Variants in PACSIN2 observed in about 807,000 individuals in gnomAD.
PACSIN2 encodes protein kinase C and casein kinase substrate in neurons protein 2.
A neutral mutation model predicts 63.8 loss-of-function variants in PACSIN2; 25 were observed. The observed-to-expected ratio is 0.39, with a 90% CI of 0.29 to 0.55. The LOEUF (loss-of-function observed/expected upper bound fraction) is 0.55. Ranked by LOEUF, PACSIN2 falls within the 20% of genes least tolerant of loss-of-function variation. The probability of loss-of-function intolerance (pLI) is 0.62; values close to 1 mark genes in which losing one functional copy is unlikely to be tolerated. For missense variants in PACSIN2, 518 were observed against 646.9 expected, an observed-to-expected ratio of 0.80 and a Z score of 2.16; for synonymous variants, 255 against 256.2, an observed-to-expected ratio of 1.00 and a Z score of 0.05.
intron 1 of PACSIN2, among the ~76,000 whole-genome samples, chr22:42,934,551 C>T (rs899098586): frequency 1.3e-5 from 2 of 152,244 alleles, no homozygotes; most frequent in African/African-American, 4.8e-5. Context: ...TGGGCTGGCC[C>T]TGATAGCCAC....
intron 9 of PACSIN2, 32 bp downstream of exon 9, chr22:42,876,856 G>A (rs570062150): frequency 3.2e-5 from 52 of 1,613,698 alleles, no homozygotes; most frequent in South Asian, 4.4e-5. Context: ...GAGTGAGCGC[G>A]GTGGGAGCAG....
At chr22:42,986,846 C>T (rs778003087) in intron 1 of PACSIN2, among the ~76,000 whole-genome samples, 4 of 152,174 alleles carry the variant, frequency 2.6e-5, no homozygotes. Context: ...TCTAAAAAAA[C>T]CTTCCCGAAA....
At chr22:42,919,437 G>A (rs1932020495) in intron 1 of PACSIN2, among the ~76,000 whole-genome samples, 1 of 152,182 alleles carries the variant, frequency 6.6e-6, no homozygotes, top group Non-Finnish European at 1.5e-5. Flanking sequence ...GCACATTTCA[G>A]ACTGTCTGGC....
At chr22:42,888,070 C>T (rs868538344) in intron 5 of PACSIN2, among the ~76,000 whole-genome samples, 5 of 151,942 alleles carry the variant, frequency 3.3e-5, no homozygotes, top group Admixed American at 6.6e-5. Context: ...AGCCCCTCTC[C>T]CTACACAAGC....
chr22:42,892,384 G>C (rs1045629748), intron 3 of PACSIN2, among the ~76,000 whole-genome samples: 2 of 152,172 alleles, frequency 1.3e-5, no homozygotes, highest in Non-Finnish European at 2.9e-5. Flanking sequence ...AGACAACAGA[G>C]AACAGCCCCG....
intron 1 of PACSIN2, among the ~76,000 whole-genome samples, chr22:42,985,709 T>G (rs1214123061): frequency 6.6e-6 from 1 of 152,218 alleles, no homozygotes. Flanking sequence ...TTTAACCTTC[T>G]GTCTGCCTCT....
At chr22:42,955,351 A>C (rs1297722495) in intron 1 of PACSIN2, among the ~76,000 whole-genome samples, 2 of 152,220 alleles carry the variant, frequency 1.3e-5, no homozygotes, top group Admixed American at 6.5e-5. Context: ...CCAGCCAGCC[A>C]GCATCCAGGT....
intron 1 of PACSIN2, among the ~76,000 whole-genome samples, chr22:42,914,423 G>T (rs1199679817): frequency 6.6e-6 from 1 of 152,142 alleles, no homozygotes; most frequent in Non-Finnish European, 1.5e-5. Flanking sequence ...TAGTAGAGAT[G>T]GGGTTTCCAC....
intron 1 of PACSIN2, among the ~76,000 whole-genome samples, chr22:42,916,150 A>G (rs1931790103): frequency 6.6e-6 from 1 of 152,160 alleles, no homozygotes; most frequent in South Asian, 2.1e-4. Flanking sequence ...AGGTTAAATG[A>G]GATGAAGGTC....
chr22:42,961,601 A>T (rs1476738292), intron 1 of PACSIN2, among the ~76,000 whole-genome samples: 2 of 151,896 alleles, frequency 1.3e-5, no homozygotes, highest in African/African-American at 4.8e-5. Context: ...GTGAAACCTC[A>T]TCTCTACTAA....
rs1276795165 is a variant in PACSIN2 at position 42,981,309 on chromosome 22, G to A, written c.-78+33712C>T. Among the ~76,000 whole-genome samples the A allele has an allele frequency of 2.1e-5, 3 of 142,644 alleles. No homozygotes were observed. The East Asian group carries it at 6.7e-4, about 32-fold the overall frequency. The allele number at this position is 142,644 out of a possible 152,430, so 93.6% of individuals were successfully genotyped here. On this transcript the variant is annotated intron_variant, in intron 1 of 10. Coordinates refer to ENST00000263246, the MANE Select transcript of PACSIN2 (RefSeq NM_001184970.3). The stretch of plus-strand genomic sequence containing the variant: ...CCGGCAACCACCCCGTCTGGGAAGT[G>A]AGGAGCGTCTCCGCCCGGCAGCCAC...
At chr22:42,995,357 G>A (rs968616638) in intron 1 of PACSIN2, among the ~76,000 whole-genome samples, 5 of 152,202 alleles carry the variant, frequency 3.3e-5, no homozygotes, top group Admixed American at 6.5e-5. Flanking sequence ...CCAGGAGGAC[G>A]GCAGCTTGCA....
At chr22:42,955,025 A>C (rs1184159296) in intron 1 of PACSIN2, among the ~76,000 whole-genome samples, 1 of 152,074 alleles carries the variant, frequency 6.6e-6, no homozygotes. Flanking sequence ...TCTCTTGGGT[A>C]CCTGACAAAC....
chr22:42,949,572 C>T (rs1053580296), intron 1 of PACSIN2, among the ~76,000 whole-genome samples: 1 of 151,866 alleles, frequency 6.6e-6, no homozygotes, highest in African/African-American at 2.4e-5. Context: ...GATAAAATGC[C>T]GAATTACAAT....
In PACSIN2 at chr22:42,912,136, C is replaced by A. The variant is rs147313028; in HGVS notation, c.-56G>T. ...TACTTAGTCAGGGGTCAACTTCGAA[C>A]GCTCAAAATCTGTAGACAAACCTAT... On this transcript the variant is annotated 5_prime_UTR_variant, in exon 2 of 11. Transcript: ENST00000263246. 1.7e-3 allele frequency: 2,068 copies of A among 1,232,146 alleles called. 3 individuals carry two copies. The highest frequency in any genetic ancestry group is 1.8e-3 in the Non-Finnish European group (1,600 of 868,926). The allele number at this position is 1,232,146 out of a possible 1,614,324, so 76.3% of individuals were successfully genotyped here.
intron 1 of PACSIN2, among the ~76,000 whole-genome samples, chr22:42,967,540 G>A (rs1371322810): frequency 2.0e-5 from 3 of 152,168 alleles, no homozygotes; most frequent in Admixed American, 6.5e-5. Flanking sequence ...TATACTGTTG[G>A]TGTTTCATCG....
intron 1 of PACSIN2, among the ~76,000 whole-genome samples, chr22:42,945,455 G>C (rs575979325): frequency 1.2e-3 from 178 of 152,106 alleles, no homozygotes; most frequent in African/African-American, 4.2e-3. Context: ...GCCCAGACCC[G>C]CATCTCTGCC....
rs532427677 is a variant in PACSIN2, at chr22:42,983,964, CTT to C, written c.-78+31055_-78+31056del. The stretch of plus-strand genomic sequence containing the variant: ...CAGGCTATGGGCACAGCACTTAGCA[CTT>C]TTTTTTTTTTTTTTTTTTTTTTGAG... On this transcript the variant is annotated intron_variant, in intron 1 of 10. Transcript: ENST00000263246. Among the ~76,000 whole-genome samples the C allele has an allele frequency of 3.1e-3, 329 of 104,600 alleles. 1 individual carries two copies. The highest frequency in any genetic ancestry group is 0.012 in the African/African-American group (296 of 25,118). 68.6% of individuals were successfully genotyped at this position (104,600 alleles called of 152,430 possible).
At chr22:42,877,069 G>A (rs1928698170) in intron 8 of PACSIN2, 59 bp from the exon 9 acceptor site, 1 of 1,587,810 alleles carries the variant, frequency 6.3e-7, no homozygotes, top group African/African-American at 1.3e-5. Flanking sequence ...TGAGGGTCCT[G>A]GCAACTCCTA....
Sources: gnomAD v4.1 joint callset for allele counts (sites outside exome capture counted in the v4.1 genomes callset) on GRCh38, gnomAD v4.1.1 for gene constraint, MANE v1.5 for transcripts, NCBI Gene and HGNC (gene_info 2026-07-23, HGNC 2026-07-21) for gene names.